The following AQP11 variants were observed in gnomAD, a reference collection of about 807,000 sequenced individuals.
The protein encoded by AQP11 is aquaporin 11.
A neutral mutation model predicts 21.1 loss-of-function variants in AQP11; 20 were observed. The ratio of observed to expected loss-of-function variants is 0.95; its 90% CI spans 0.67 to 1.38. AQP11 has a LOEUF of 1.38. Among genes scored for constraint, AQP11 ranks in the 40% most tolerant of loss-of-function variants. AQP11 has a pLI of 0.00. For synonymous variants in AQP11, 167 were observed against 150.1 expected (o/e 1.11, Z -0.82); for missense variants, 339 against 340.4 (o/e 1.00, Z 0.03).
intron 1 of AQP11, among the ~76,000 whole-genome samples, chr11:77,601,344 CTT>C (rs36104720): frequency 0.032 from 4,095 of 129,098 alleles, 109 homozygotes; most frequent in African/African-American, 0.11. Flanking sequence ...CCATTCAAAA[CTT>C]TTTTTTTTTT....
chr11:77,590,346 G>T lies in AQP11; in HGVS notation c.354G>T (p.Ala118=). ...GGGGCATGTCCCCCGAGACGGGTGC[G>T]GTGAGGCTATTGGCTCAGCTGGTTA... ...MLGGMSPETG[A]VRLLAQLVSA... Residue 118 remains alanine (A), a synonymous_variant, in exon 1 of 3, where the codon GCG becomes GCT. Coordinates refer to ENST00000313578, the MANE Select transcript of AQP11 (RefSeq NM_173039.3). 1 of 1,611,506 alleles carries T rather than the reference G, an allele frequency of 6.2e-7. No homozygotes were observed. Among genetic ancestry groups the T allele is most frequent in the Non-Finnish European group, 8.5e-7 (1 of 1,178,012 alleles).
intron 1 of AQP11, among the ~76,000 whole-genome samples, chr11:77,594,946 A>G (rs533051147): frequency 6.6e-6 from 1 of 152,306 alleles, no homozygotes; most frequent in East Asian, 1.9e-4. Context: ...ACTGTTAATC[A>G]GATTTCAAGC....
chr11:77,601,160 C>T (rs1343958044), intron 1 of AQP11, among the ~76,000 whole-genome samples: 2 of 152,166 alleles, frequency 1.3e-5, no homozygotes, highest in African/African-American at 2.4e-5. Flanking sequence ...AGGCCACTGC[C>T]ATCTGAGTAG....
At chr11:77,598,645 C>T (rs921228854) in intron 1 of AQP11, among the ~76,000 whole-genome samples, 4 of 152,212 alleles carry the variant, frequency 2.6e-5, no homozygotes, top group Admixed American at 2.0e-4. Flanking sequence ...CCTGTCTACT[C>T]TTCCTTCCAC....
intron 1 of AQP11, among the ~76,000 whole-genome samples, chr11:77,596,525 A>AATATATATGTAAATATAT (rs1316689488): frequency 1.1e-5 from 1 of 87,252 alleles, no homozygotes; most frequent in African/African-American, 4.5e-5. Context: ...TATATATGTA[A>AATATATATGTAAATATAT]ATATATATGT....
At chr11:77,601,410 AC>A (rs1288650865) in intron 1 of AQP11, among the ~76,000 whole-genome samples, 1 of 147,078 alleles carries the variant, frequency 6.8e-6, no homozygotes, top group Non-Finnish European at 1.5e-5. Flanking sequence ...GAGCGGTGGC[AC>A]AATCTCGACT....
chr11:77,596,531 TATGTAA>T (rs1487021159), intron 1 of AQP11, among the ~76,000 whole-genome samples: 8 of 117,458 alleles, frequency 6.8e-5, no homozygotes, highest in Admixed American at 2.8e-4. Context: ...TGTAAATATA[TATGTAA>T]ATATATATAT....
In AQP11 at chr11:77,609,489, C is replaced by A; in HGVS notation, c.*112C>A. 2 of 793,644 alleles carry A rather than the reference C, an allele frequency of 2.5e-6. No individual in the cohort carries two copies. Among genetic ancestry groups the A allele is most frequent in the Non-Finnish European group, 3.8e-6 (2 of 523,456 alleles). The allele number at this position is 793,644 out of a possible 1,614,324, so 49.2% of individuals were successfully genotyped here. A position where few individuals can be genotyped will look rare whatever the true frequency, so the allele number is the denominator to read the frequency against. On this transcript the variant is annotated 3_prime_UTR_variant, in exon 3 of 3. Transcript: ENST00000313578. ...CACTGGATTCATCAGTGTTAACTTC[C>A]TTTGAGGAAGCTGCCTTATAGTTTT...
rs867543587 is a variant in AQP11 at position 77,596,459 on chromosome 11, T to A, written c.619+5848T>A. On this transcript the variant is annotated intron_variant, in intron 1 of 2. Coordinates refer to ENST00000313578, the MANE Select transcript of AQP11 (RefSeq NM_173039.3). ...ATGTCTCAATTAAAAAAAAAAAATA[T>A]ATATATATATGTAAATATATATGTG... Among the ~76,000 whole-genome samples the A allele has an allele frequency of 3.7e-4, 48 of 130,610 alleles. 1 individual carries two copies. Among genetic ancestry groups the A allele is most frequent in the Middle Eastern group, 3.9e-3 (1 of 256 alleles). The allele number at this position is 130,610 out of a possible 152,430, so 85.7% of individuals were successfully genotyped here.
At chr11:77,598,302 G>C (rs943954480) in intron 1 of AQP11, among the ~76,000 whole-genome samples, 1 of 152,152 alleles carries the variant, frequency 6.6e-6, no homozygotes, top group African/African-American at 2.4e-5. Context: ...AGAAACTTTA[G>C]TGCCTAAAAT....
chr11:77,604,710 A>G (rs1227565316), intron 2 of AQP11, among the ~76,000 whole-genome samples: 1 of 152,140 alleles, frequency 6.6e-6, no homozygotes. Context: ...CCATTCCTCT[A>G]TCTCACATTA....
chr11:77,609,503 C>A lies in AQP11; in HGVS notation c.*126C>A. 1.5e-6 allele frequency: 1 copy of A among 669,106 alleles called. No homozygotes were observed. The highest frequency in any genetic ancestry group is 2.3e-6 in the Non-Finnish European group (1 of 426,648). 41.4% of individuals were successfully genotyped at this position (669,106 alleles called of 1,614,324 possible). ...GTGTTAACTTCCTTTGAGGAAGCTG[C>A]CTTATAGTTTTCATCACTGGGACTT... On this transcript the variant is annotated 3_prime_UTR_variant, in exon 3 of 3. Coordinates refer to ENST00000313578, the MANE Select transcript of AQP11 (RefSeq NM_173039.3).
intron 1 of AQP11, among the ~76,000 whole-genome samples, chr11:77,602,580 G>A (rs1958821422): frequency 6.6e-6 from 1 of 152,144 alleles, no homozygotes; most frequent in African/African-American, 2.4e-5. Flanking sequence ...AAAACTCTTA[G>A]CTATTGAGTG....
chr11:77,600,109 G>A (rs7109398), intron 1 of AQP11, among the ~76,000 whole-genome samples: 25,517 of 148,140 alleles, frequency 0.17, 2,734 homozygotes, highest in African/African-American at 0.28. Context: ...ACAGGTGCAC[G>A]CCACCATGCC....
At chr11:77,603,077 G>C (rs962868759) in intron 1 of AQP11, among the ~76,000 whole-genome samples, 1 of 152,198 alleles carries the variant, frequency 6.6e-6, no homozygotes, top group African/African-American at 2.4e-5. Context: ...TAAGGGCTCT[G>C]TTGACAAGTA....
At chr11:77,606,154 T>C (rs1958845208) in intron 2 of AQP11, among the ~76,000 whole-genome samples, 1 of 148,508 alleles carries the variant, frequency 6.7e-6, no homozygotes, top group South Asian at 2.1e-4. Flanking sequence ...TTGGGCAACA[T>C]AGCAAAACCA....
At chr11:77,592,271 GAAAAA>G (rs373492208) in intron 1 of AQP11, among the ~76,000 whole-genome samples, 1 of 137,190 alleles carries the variant, frequency 7.3e-6, no homozygotes, top group African/African-American at 2.7e-5. Context: ...TGTCTCAAAA[GAAAAA>G]AAAAAAGAAA....
At chr11:77,606,288 G>A (rs755413154) in intron 2 of AQP11, among the ~76,000 whole-genome samples, 5 of 152,092 alleles carry the variant, frequency 3.3e-5, no homozygotes, top group Non-Finnish European at 5.9e-5. Context: ...TCCAGCCAAA[G>A]CAGCACTTAA....
intron 1 of AQP11, 112 bp downstream of exon 1, chr11:77,590,723 T>TG: frequency 6.6e-7 from 1 of 1,505,014 alleles, no homozygotes. Flanking sequence ...ATGTAAATGC[T>TG]GGTATCCCCG....
Sources: allele counts gnomAD v4.1 joint callset (sites outside exome capture counted in the v4.1 genomes callset), GRCh38; gene constraint gnomAD v4.1.1; transcripts MANE v1.5; gene names NCBI Gene and HGNC (gene_info 2026-07-23, HGNC 2026-07-21).